Variants in RNF150 observed in about 807,000 individuals in gnomAD.
RNF150 encodes ring finger protein 150.
In RNF150, 24 loss-of-function variants were observed where a neutral mutation model predicts 39.3. The observed-to-expected ratio is 0.61, with a 90% CI of 0.44 to 0.86. The LOEUF is 0.86. RNF150 is among the 40% of genes least tolerant of loss of function. The pLI is 0.00. For missense variants in RNF150, 502 were observed against 587.8 expected (o/e 0.85, Z 1.51); for synonymous variants, 255 against 227.3 (o/e 1.12, Z -1.10).
chr4:140,921,099 G>C (rs1214456971), intron 5 of RNF150, among the ~76,000 whole-genome samples: 3 of 150,596 alleles, frequency 2.0e-5, no homozygotes, highest in Non-Finnish European at 4.4e-5. Context: ...GTTAATGGGT[G>C]CAGCACACCA....
intron 6 of RNF150, among the ~76,000 whole-genome samples, chr4:140,899,968 C>CTGTG (rs1216982458): frequency 4.3e-5 from 5 of 117,270 alleles, no homozygotes; most frequent in African/African-American, 1.3e-4. Context: ...CTCTCTCTCT[C>CTGTG]TCTCTCTGTG....
In RNF150 at chr4:140,910,018, G is replaced by GTGAT. The variant is rs577261171; in HGVS notation, c.1198+1122_1198+1125dup. 1.7e-3 allele frequency among the ~76,000 whole-genome samples: 253 copies of GTGAT among 152,254 alleles called. 2 individuals are homozygous for GTGAT. The highest frequency in any genetic ancestry group is 5.8e-3 in the African/African-American group (239 of 41,544). ...CAGGAAATAAACCAAAAGGTTAAGA[G>GTGAT]TGATTGTTTCCAAGTAGTGGGGCCC... is the stretch of plus-strand genomic sequence containing the variant. On this transcript the variant is annotated intron_variant, in intron 6 of 6. Coordinates refer to ENST00000515673, the MANE Select transcript of RNF150 (RefSeq NM_020724.2).
upstream of RNF150, among the ~76,000 whole-genome samples, chr4:141,135,177 C>A (rs1374001583): frequency 2.0e-5 from 3 of 152,092 alleles, no homozygotes; most frequent in African/African-American, 7.2e-5. Context: ...AACCTTGAGG[C>A]TTTAGGGTGG....
At chr4:140,914,835 C>T (rs1462765592) in intron 5 of RNF150, among the ~76,000 whole-genome samples, 3 of 152,222 alleles carry the variant, frequency 2.0e-5, no homozygotes, top group Non-Finnish European at 4.4e-5. Flanking sequence ...ACTGTGCTCT[C>T]ATTCTTTAGT....
At chr4:140,873,967 A>C (rs1729050948) in intron 6 of RNF150, among the ~76,000 whole-genome samples, 1 of 152,146 alleles carries the variant, frequency 6.6e-6, no homozygotes, top group African/African-American at 2.4e-5. Context: ...TGCCCGGCCT[A>C]TTCTATTTTA....
At chr4:141,031,795 T>C (rs1735955388) in intron 1 of RNF150, among the ~76,000 whole-genome samples, 2 of 152,102 alleles carry the variant, frequency 1.3e-5, no homozygotes, top group Admixed American at 6.6e-5. Context: ...TGTACAATGT[T>C]GGTGGAAATG....
chr4:141,030,127 G>C (rs997467643), intron 1 of RNF150, among the ~76,000 whole-genome samples: 11 of 151,924 alleles, frequency 7.2e-5, no homozygotes, highest in Admixed American at 2.0e-4. Context: ...CCAGGAGGCA[G>C]AGCTTGCAGT....
intron 6 of RNF150, among the ~76,000 whole-genome samples, chr4:140,883,291 A>G (rs764770324): frequency 8.5e-5 from 13 of 152,168 alleles, no homozygotes; most frequent in Non-Finnish European, 1.5e-4. Context: ...AAAGTGATTT[A>G]TGTACCACCA....
intron 1 of RNF150, among the ~76,000 whole-genome samples, chr4:141,060,670 A>AC (rs1737182564): frequency 6.6e-6 from 1 of 152,198 alleles, no homozygotes; most frequent in Non-Finnish European, 1.5e-5. Flanking sequence ...AAAAACCCCT[A>AC]CTATAAAGAC....
intron 1 of RNF150, among the ~76,000 whole-genome samples, chr4:141,188,659 C>T (rs917082680): frequency 9.9e-5 from 15 of 152,206 alleles, no homozygotes; most frequent in South Asian, 4.1e-4. Context: ...TACTTGTGTA[C>T]ACTTCACGAA....
intron 1 of RNF150, among the ~76,000 whole-genome samples, chr4:141,000,633 T>C (rs1439027353): frequency 1.3e-5 from 2 of 152,142 alleles, no homozygotes; most frequent in Admixed American, 6.5e-5. Flanking sequence ...TCAAGATGAA[T>C]ATAACTGCCT....
intron 1 of RNF150, among the ~76,000 whole-genome samples, chr4:141,207,433 A>C (rs943509858): frequency 5.3e-5 from 8 of 152,136 alleles, no homozygotes; most frequent in African/African-American, 1.9e-4. Context: ...GAGGGGGTCA[A>C]ATGGAAAGCA....
intron 1 of RNF150, among the ~76,000 whole-genome samples, chr4:141,138,924 A>G (rs1440486488): frequency 1.3e-5 from 2 of 152,200 alleles, no homozygotes; most frequent in Non-Finnish European, 2.9e-5. Context: ...AAGTCAATTT[A>G]GGCTGGGTGT....
chr4:141,136,448 AG>A, upstream of RNF150, among the ~76,000 whole-genome samples: 1 of 152,196 alleles, frequency 6.6e-6, no homozygotes. Context: ...ATAAGTCAAA[AG>A]TTCAGTTTTT....
chr4:141,057,747 T>G (rs1000378691), intron 1 of RNF150, among the ~76,000 whole-genome samples: 1 of 152,150 alleles, frequency 6.6e-6, no homozygotes, highest in African/African-American at 2.4e-5. Context: ...TGGTATCTGC[T>G]CTTCTTTACT....
Position 140,947,150 on chromosome 4 carries a change from C to A in RNF150, c.890+504G>T, listed in dbSNP as rs963218606. 3.3e-5 allele frequency among the ~76,000 whole-genome samples: 5 copies of A among 151,672 alleles called. 1 individual carries two copies. The highest frequency in any genetic ancestry group is 1.2e-4 in the African/African-American group (5 of 41,270). ...AAGAATTTTAAGGGAATTTGAGTGTCACATTCTCTTTCTGTTAGTTTAAAA... is the reference window on the plus strand; with the variant it reads ...AAGAATTTTAAGGGAATTTGAGTGTAACATTCTCTTTCTGTTAGTTTAAAA... On this transcript the variant is annotated intron_variant, in intron 4 of 6. Transcript: ENST00000515673.
intron 1 of RNF150, among the ~76,000 whole-genome samples, chr4:141,142,517 A>C (rs751348582): frequency 3.3e-5 from 5 of 152,212 alleles, no homozygotes; most frequent in Non-Finnish European, 4.4e-5. Flanking sequence ...AAAACTTTTC[A>C]AAAACATTGG....
At chr4:141,077,108 G>A (rs1187454934) in intron 1 of RNF150, among the ~76,000 whole-genome samples, 4 of 152,108 alleles carry the variant, frequency 2.6e-5, no homozygotes, top group Non-Finnish European at 5.9e-5. Flanking sequence ...GGGAGAAGAA[G>A]TAAAAAAGGG....
intron 1 of RNF150, among the ~76,000 whole-genome samples, chr4:141,148,196 T>C (rs980188247): frequency 1.1e-4 from 16 of 152,144 alleles, no homozygotes; most frequent in Non-Finnish European, 1.6e-4. Context: ...TTTTTGAAAA[T>C]CTTTGTAAAA....
Sources: gnomAD v4.1 joint callset for allele counts (sites outside exome capture counted in the v4.1 genomes callset) on GRCh38, gnomAD v4.1.1 for gene constraint, MANE v1.5 for transcripts, NCBI Gene and HGNC (gene_info 2026-07-23, HGNC 2026-07-21) for gene names.